NEDD9: variants seen among roughly 807,000 people sequenced by gnomAD.
NEDD9 encodes neural precursor cell expressed, developmentally down-regulated 9, also known as enhancer of filamentation 1.
A neutral mutation model predicts 76.6 loss-of-function variants in NEDD9; 26 were observed. The ratio of observed to expected loss-of-function variants is 0.34; its 90% CI spans 0.25 to 0.47. NEDD9 has a LOEUF of 0.47. NEDD9 is among the 20% of genes least tolerant of loss of function. The probability of loss-of-function intolerance (pLI) is 1.00; values close to 1 mark genes in which losing one functional copy is unlikely to be tolerated. For missense variants in NEDD9, 937 were observed against 1,058.5 expected, an observed-to-expected ratio of 0.89 and a Z score of 1.59; for synonymous variants, 392 against 414.2, an observed-to-expected ratio of 0.95 and a Z score of 0.65.
intron 3 of NEDD9, among the ~76,000 whole-genome samples, chr6:11,255,131 G>A (rs1220470102): frequency 6.6e-6 from 1 of 152,152 alleles, no homozygotes; most frequent in Admixed American, 6.5e-5. Flanking sequence ...ATGAGAGAAG[G>A]GTTCATGGAG....
intron 1 of NEDD9, among the ~76,000 whole-genome samples, chr6:11,373,687 G>T (rs1274493585): frequency 6.6e-6 from 1 of 152,180 alleles, no homozygotes; most frequent in Non-Finnish European, 1.5e-5. Context: ...AATGGATACA[G>T]TATCTGAGAT....
chr6:11,357,098 C>A (rs1039251851), intron 1 of NEDD9, among the ~76,000 whole-genome samples: 1 of 152,080 alleles, frequency 6.6e-6, no homozygotes, highest in Non-Finnish European at 1.5e-5. Flanking sequence ...TTTTGAAGGC[C>A]GGCAGATTTC....
At chr6:11,218,110 C>A (rs1759009415) in intron 1 of NEDD9, among the ~76,000 whole-genome samples, 1 of 152,256 alleles carries the variant, frequency 6.6e-6, no homozygotes, top group Non-Finnish European at 1.5e-5. Context: ...AAGCCATAGT[C>A]TTCGCTGGAT....
chr6:11,186,980 C>T (rs915382200), intron 6 of NEDD9, among the ~76,000 whole-genome samples: 2 of 152,168 alleles, frequency 1.3e-5, no homozygotes, highest in African/African-American at 4.8e-5. Context: ...TCTACAAGTT[C>T]CCCAAAGCCC....
chr6:11,240,552 T>G (rs2113288667), intron 3 of NEDD9, among the ~76,000 whole-genome samples: 1 of 152,346 alleles, frequency 6.6e-6, no homozygotes, highest in South Asian at 2.1e-4. Flanking sequence ...GTGGAGTGAC[T>G]ATGGCTAATA....
Position 11,205,816 on chromosome 6 carries a change from C to T in NEDD9, c.459+7465G>A, listed in dbSNP as rs550914839. On this transcript the variant is annotated intron_variant, in intron 2 of 6. Transcript: ENST00000379446. Reference sequence around the variant, plus strand: ...CTAATTTTTTTGTATTTAGTGGAGACGGGGTTTCATGGTATCAGTCAGACT... The same window carrying T: ...CTAATTTTTTTGTATTTAGTGGAGATGGGGTTTCATGGTATCAGTCAGACT... Among the ~76,000 whole-genome samples, 4 of 152,108 alleles carry T rather than the reference C, an allele frequency of 2.6e-5. No homozygotes were observed. In the South Asian group the frequency reaches 6.2e-4, roughly 24 times the overall value.
At chr6:11,266,109 T>A (rs1760196613) in intron 3 of NEDD9, among the ~76,000 whole-genome samples, 1 of 152,210 alleles carries the variant, frequency 6.6e-6, no homozygotes, top group African/African-American at 2.4e-5. Context: ...AAGTGATGGA[T>A]AGGCTAAAGC....
chr6:11,228,054 A>T (rs563319788), intron 1 of NEDD9, among the ~76,000 whole-genome samples: 1 of 143,376 alleles, frequency 7.0e-6, no homozygotes, highest in African/African-American at 2.6e-5. Flanking sequence ...TAAAAGTGTC[A>T]CATCTGTGTG....
chr6:11,329,238 G>T (rs528104795), intron 2 of NEDD9, among the ~76,000 whole-genome samples: 1 of 152,352 alleles, frequency 6.6e-6, no homozygotes, highest in South Asian at 2.1e-4. Context: ...CCCGGCTTGG[G>T]ATTAGAAATT....
chr6:11,364,259 A>G (rs1228281537), intron 1 of NEDD9, among the ~76,000 whole-genome samples: 2 of 152,158 alleles, frequency 1.3e-5, no homozygotes, highest in African/African-American at 4.8e-5. Flanking sequence ...TGGAGGAGTT[A>G]AGTATGTCCT....
chr6:11,320,693 G>A (rs1409526343), intron 2 of NEDD9, among the ~76,000 whole-genome samples: 1 of 152,148 alleles, frequency 6.6e-6, no homozygotes, highest in African/African-American at 2.4e-5. Context: ...CTATACAACT[G>A]GAGTACTATG....
chr6:11,263,659 ATTGT>A lies in NEDD9; in HGVS notation c.12+42329_12+42332del, dbSNP rs531872804. Among the ~76,000 whole-genome samples, 9 of 152,260 alleles carry A rather than the reference ATTGT, an allele frequency of 5.9e-5. No individual in the cohort carries two copies. In the South Asian group the frequency reaches 6.2e-4, roughly 11 times the overall value. ...TCCTGGCCTTTGACATCATGAGGTC[ATTGT>A]TTGGTTGGCTGGAAGGGTGTCACAC... On this transcript the variant is annotated intron_variant, in intron 3 of 3. Transcript: ENST00000397378.
chr6:11,221,194 G>T (rs1216655517), intron 1 of NEDD9, among the ~76,000 whole-genome samples: 1 of 151,968 alleles, frequency 6.6e-6, no homozygotes, highest in Non-Finnish European at 1.5e-5. Context: ...ACCAGCCTGG[G>T]CAACATGGTG....
chr6:11,193,778 A>C, intron 2 of NEDD9, 86 bp from the exon 3 acceptor site: 4 of 771,626 alleles, frequency 5.2e-6, no homozygotes, highest in Non-Finnish European at 8.6e-6. Context: ...TCATCCCTCA[A>C]CTCTCCCTCA....
Position 11,302,634 on chromosome 6 carries a change from G to A in NEDD9, c.12+3358C>T, listed in dbSNP as rs145153279. 4.2e-3 allele frequency among the ~76,000 whole-genome samples: 637 copies of A among 152,208 alleles called. 6 individuals are homozygous for A. The East Asian group carries it at 0.054, about 13-fold the overall frequency. On this transcript the variant is annotated intron_variant, in intron 3 of 3. Coordinates refer to the NEDD9 transcript ENST00000397378. ...ATCCTCAATAAAATACTGGCAAACC[G>A]AATCCAGCAGCACATCAAAAAGCTT...
At chr6:11,260,139 T>G (rs183697037) in intron 3 of NEDD9, among the ~76,000 whole-genome samples, 3 of 152,308 alleles carry the variant, frequency 2.0e-5, no homozygotes, top group African/African-American at 7.2e-5. Flanking sequence ...TAGAAATAAT[T>G]GTTTTTAATA....
intron 3 of NEDD9, among the ~76,000 whole-genome samples, chr6:11,250,566 C>T (rs1179278461): frequency 2.0e-5 from 3 of 152,134 alleles, no homozygotes. Context: ...TCTCTGGTGT[C>T]CCTTTGCCGG....
At chr6:11,277,510 A>G (rs533451307) in intron 3 of NEDD9, among the ~76,000 whole-genome samples, 5 of 152,280 alleles carry the variant, frequency 3.3e-5, no homozygotes, top group Non-Finnish European at 5.9e-5. Flanking sequence ...CTGAGTTCTG[A>G]CAGGCATGGG....
intron 2 of NEDD9, among the ~76,000 whole-genome samples, chr6:11,332,527 G>A (rs954982170): frequency 5.3e-5 from 8 of 152,170 alleles, no homozygotes; most frequent in Non-Finnish European, 7.3e-5. Flanking sequence ...AGCCTTGCAC[G>A]TGCCATGCCT....
Sources: allele counts gnomAD v4.1 joint callset (sites outside exome capture counted in the v4.1 genomes callset), GRCh38; gene constraint gnomAD v4.1.1; transcripts MANE v1.5; gene names NCBI Gene and HGNC (gene_info 2026-07-23, HGNC 2026-07-21).